Variants in GRIK2 observed in about 807,000 individuals in gnomAD.
GRIK2 encodes glutamate ionotropic receptor kainate type subunit 2.
GRIK2 carries 32 observed loss-of-function variants against 100.3 expected under a neutral mutation model. The observed-to-expected ratio is 0.32, with a 90% CI of 0.24 to 0.43. The LOEUF is 0.43. Among genes scored for constraint, GRIK2 ranks in the 20% least tolerant of loss-of-function variants. The pLI is 1.00. For synonymous variants in GRIK2, 417 were observed against 389.4 expected (o/e 1.07, Z -0.83); for missense variants, 843 against 1,114.9 (o/e 0.76, Z 3.47).
At chr6:101,739,298 G>A (rs1163548685) in intron 7 of GRIK2, among the ~76,000 whole-genome samples, 1 of 151,976 alleles carries the variant, frequency 6.6e-6, no homozygotes, top group Non-Finnish European at 1.5e-5. Flanking sequence ...GTGATTGGAG[G>A]GTATATTTAT....
At chr6:102,058,845 T>C (rs1023271398) in intron 16 of GRIK2, among the ~76,000 whole-genome samples, 1 of 151,414 alleles carries the variant, frequency 6.6e-6, no homozygotes. Flanking sequence ...AGCACGAATG[T>C]ATTGGTGACT....
intron 16 of GRIK2, among the ~76,000 whole-genome samples, chr6:102,061,716 C>A (rs1251915589): frequency 6.7e-6 from 1 of 150,120 alleles, no homozygotes; most frequent in East Asian, 1.9e-4. Context: ...GTTATGAATC[C>A]ATAAAAACGG....
At chr6:101,568,031 A>T (rs772134789) in intron 2 of GRIK2, among the ~76,000 whole-genome samples, 7 of 152,012 alleles carry the variant, frequency 4.6e-5, no homozygotes, top group Non-Finnish European at 1.0e-4. Context: ...TGATCTTATT[A>T]ACTTTGTAAA....
intron 2 of GRIK2, among the ~76,000 whole-genome samples, chr6:101,581,289 T>C (rs1778083098): frequency 7.0e-6 from 1 of 142,488 alleles, no homozygotes; most frequent in African/African-American, 3.0e-5. Flanking sequence ...TATACACACG[T>C]GTGTGTGTGT....
chr6:101,908,681 T>C, intron 12 of GRIK2, among the ~76,000 whole-genome samples: 1 of 151,352 alleles, frequency 6.6e-6, no homozygotes, highest in East Asian at 1.9e-4. Flanking sequence ...GTCTTTCAAT[T>C]AATAAATTTG....
chr6:101,597,875 C>T (rs1027087538), intron 2 of GRIK2, among the ~76,000 whole-genome samples: 20 of 151,668 alleles, frequency 1.3e-4, no homozygotes, highest in African/African-American at 4.6e-4. Context: ...TTCTGTCCTG[C>T]GGTGGCGCTG....
At chr6:101,667,337 A>C (rs1191334392) in intron 4 of GRIK2, among the ~76,000 whole-genome samples, 1 of 152,188 alleles carries the variant, frequency 6.6e-6, no homozygotes, top group East Asian at 1.9e-4. Flanking sequence ...TAATGGCCGA[A>C]TTCTCCTGTG....
intron 7 of GRIK2, among the ~76,000 whole-genome samples, chr6:101,755,841 G>A (rs9404140): frequency 0.28 from 42,789 of 152,066 alleles, 8,243 homozygotes; most frequent in East Asian, 0.72. Flanking sequence ...TTTATTGACA[G>A]AACTGATTTA....
chr6:102,007,673 A>G (rs1370400571), intron 14 of GRIK2, among the ~76,000 whole-genome samples: 1 of 152,098 alleles, frequency 6.6e-6, no homozygotes, highest in African/African-American at 2.4e-5. Flanking sequence ...TTCATATTAG[A>G]TGATAGTGGT....
Position 101,872,533 on chromosome 6 carries a change from C to T in GRIK2, c.1524+13040C>T, listed in dbSNP as rs572007644. On this transcript the variant is annotated intron_variant, in intron 11 of 16. Transcript: ENST00000369134. ...TTACCTACCATCTGGTCCCACTCACCGAACATGGGCATTATAGGAACCACA... is the reference window on the plus strand; with the variant it reads ...TTACCTACCATCTGGTCCCACTCACTGAACATGGGCATTATAGGAACCACA... Among the ~76,000 whole-genome samples, 11 of 151,822 alleles carry T rather than the reference C, an allele frequency of 7.2e-5. No homozygotes were observed. The South Asian group carries it at 1.7e-3, about 23-fold the overall frequency.
intron 4 of GRIK2, among the ~76,000 whole-genome samples, chr6:101,640,397 G>A (rs188760860): frequency 1.3e-4 from 20 of 152,274 alleles, no homozygotes; most frequent in African/African-American, 4.8e-4. Flanking sequence ...TCACTTCCAG[G>A]TGGATGCATT....
chr6:101,417,353 G>A (rs1776199370), intron 2 of GRIK2, among the ~76,000 whole-genome samples: 1 of 152,124 alleles, frequency 6.6e-6, no homozygotes, highest in African/African-American at 2.4e-5. Context: ...ATGTAAGAAG[G>A]TGAAGTTCCA....
At chr6:101,467,756 C>G (rs1165258053) in intron 2 of GRIK2, among the ~76,000 whole-genome samples, 2 of 152,092 alleles carry the variant, frequency 1.3e-5, no homozygotes, top group African/African-American at 2.4e-5. Context: ...AGTGAAACAT[C>G]TACATACAAA....
At chr6:101,612,523 T>C (rs1779725061) in intron 2 of GRIK2, among the ~76,000 whole-genome samples, 1 of 151,852 alleles carries the variant, frequency 6.6e-6, no homozygotes, top group Non-Finnish European at 1.5e-5. Flanking sequence ...ACATGTTTCA[T>C]ACTTATTTAA....
chr6:102,050,134 G>A (rs2782929), intron 15 of GRIK2, among the ~76,000 whole-genome samples: 55,276 of 151,742 alleles, frequency 0.36, 10,421 homozygotes, highest in Middle Eastern at 0.45. Flanking sequence ...GTAGTAAAAG[G>A]GCTATAGAAG....
chr6:101,439,111 G>C (rs1292303275), intron 2 of GRIK2, among the ~76,000 whole-genome samples: 1 of 152,142 alleles, frequency 6.6e-6, no homozygotes, highest in East Asian at 1.9e-4. Context: ...GAAGCTCAGT[G>C]ACCATCTGTC....
intron 2 of GRIK2, among the ~76,000 whole-genome samples, chr6:101,566,116 C>T (rs1777260327): frequency 6.6e-6 from 1 of 151,494 alleles, no homozygotes; most frequent in Non-Finnish European, 1.5e-5. Context: ...GTTGGTCTTG[C>T]TGTCTCAGGG....
chr6:101,560,516 T>TA (rs1776951300), intron 2 of GRIK2, among the ~76,000 whole-genome samples: 1 of 152,100 alleles, frequency 6.6e-6, no homozygotes, highest in Non-Finnish European at 1.5e-5. Flanking sequence ...CTTGCCATCT[T>TA]ACAACTTGGT....
chr6:101,523,099 C>G (rs1774962199), intron 2 of GRIK2, among the ~76,000 whole-genome samples: 1 of 150,050 alleles, frequency 6.7e-6, no homozygotes, highest in Non-Finnish European at 1.5e-5. Context: ...ATGTATGAAT[C>G]AAGTATATAT....
Sources: allele counts gnomAD v4.1 joint callset (sites outside exome capture counted in the v4.1 genomes callset), GRCh38; gene constraint gnomAD v4.1.1; transcripts MANE v1.5; gene names NCBI Gene and HGNC (gene_info 2026-07-23, HGNC 2026-07-21).